The following INPP4B variants were observed in gnomAD, a reference collection of about 807,000 sequenced individuals.
The protein encoded by INPP4B is inositol polyphosphate-4-phosphatase type II B.
A neutral mutation model predicts 122.5 loss-of-function variants in INPP4B; 55 were observed. The observed-to-expected ratio is 0.45, with a 90% CI of 0.36 to 0.56. INPP4B has a LOEUF of 0.56. INPP4B is among the 20% of genes least tolerant of loss of function. The pLI is 0.00. For missense variants in INPP4B, 1,000 were observed against 1,097.7 expected, an observed-to-expected ratio of 0.91 and a Z score of 1.26; for synonymous variants, 403 against 388.7, an observed-to-expected ratio of 1.04 and a Z score of -0.43.
chr4:142,262,282 C>G (rs886913076), intron 10 of INPP4B, among the ~76,000 whole-genome samples: 3 of 152,118 alleles, frequency 2.0e-5, no homozygotes, highest in African/African-American at 7.2e-5. Context: ...GAATCTCAGC[C>G]CTCAACTCCA....
chr4:142,806,136 G>T (rs1405963397), intron 1 of INPP4B, among the ~76,000 whole-genome samples: 2 of 151,752 alleles, frequency 1.3e-5, no homozygotes, highest in African/African-American at 2.4e-5. Flanking sequence ...GAAATAAGCC[G>T]GGCATGGTGG....
intron 7 of INPP4B, among the ~76,000 whole-genome samples, chr4:142,342,602 T>C (rs933830740): frequency 1.3e-5 from 2 of 152,198 alleles, no homozygotes; most frequent in Admixed American, 6.5e-5. Context: ...GATTGCCTCT[T>C]GTTCCAGAAT....
intron 12 of INPP4B, among the ~76,000 whole-genome samples, chr4:142,219,700 A>T (rs928624486): frequency 5.9e-5 from 9 of 152,300 alleles, no homozygotes; most frequent in African/African-American, 1.9e-4. Context: ...AGAAATAGAG[A>T]ACATTTCTGG....
chr4:142,738,650 A>G (rs1234567086), intron 1 of INPP4B, among the ~76,000 whole-genome samples: 2 of 152,070 alleles, frequency 1.3e-5, no homozygotes, highest in East Asian at 3.9e-4. Flanking sequence ...TAAACATATT[A>G]GATTCCAAGG....
chr4:142,775,755 A>T (rs56011189), intron 1 of INPP4B, among the ~76,000 whole-genome samples: 35,365 of 152,072 alleles, frequency 0.23, 4,382 homozygotes, highest in South Asian at 0.35. Flanking sequence ...AGTTTTTTAT[A>T]TATTTTAGAT....
chr4:142,208,763 A>G (rs1843605658), intron 13 of INPP4B, 133 bp downstream of exon 13: 1 of 662,082 alleles, frequency 1.5e-6, no homozygotes, highest in African/African-American at 1.9e-5. Flanking sequence ...TAAGATGTTA[A>G]AGTTAGAAAT....
At chr4:142,380,630 TTAACA>T (rs1197833324) in intron 7 of INPP4B, among the ~76,000 whole-genome samples, 2 of 152,136 alleles carry the variant, frequency 1.3e-5, no homozygotes, top group African/African-American at 4.8e-5. Flanking sequence ...AGAAAGGCTA[TTAACA>T]TAAGTGTTTT....
intron 1 of INPP4B, among the ~76,000 whole-genome samples, chr4:142,758,810 G>A (rs181085134): frequency 1.2e-4 from 18 of 152,036 alleles, no homozygotes; most frequent in Non-Finnish European, 2.1e-4. Flanking sequence ...AACATTAGCC[G>A]GGTGTGGCAG....
intron 2 of INPP4B, among the ~76,000 whole-genome samples, chr4:142,463,037 A>C (rs774675379): frequency 9.2e-5 from 14 of 152,334 alleles, no homozygotes; most frequent in Middle Eastern, 3.4e-3. Context: ...TTTATTCCTC[A>C]TAACTACTCA....
At chr4:142,611,630 C>CTTT (rs1560863610) in intron 2 of INPP4B, among the ~76,000 whole-genome samples, 3 of 90,736 alleles carry the variant, frequency 3.3e-5, no homozygotes, top group African/African-American at 1.2e-4. Flanking sequence ...TCTGTTTTTT[C>CTTT]TTTTTTCTTT....
chr4:142,063,960 A>G (rs1164778789), intron 25 of INPP4B, among the ~76,000 whole-genome samples: 4 of 152,198 alleles, frequency 2.6e-5, no homozygotes, highest in Admixed American at 6.5e-5. Flanking sequence ...TAATTTATAA[A>G]CTAACTTTAA....
intron 11 of INPP4B, among the ~76,000 whole-genome samples, chr4:142,252,974 C>T (rs183851649): frequency 3.3e-5 from 5 of 152,348 alleles, no homozygotes; most frequent in Non-Finnish European, 5.9e-5. Flanking sequence ...GTAGAGCCTA[C>T]TACACACCTA....
At chr4:142,033,665 TTCA>T (rs1741860145) in intron 25 of INPP4B, among the ~76,000 whole-genome samples, 1 of 109,480 alleles carries the variant, frequency 9.1e-6, no homozygotes, top group African/African-American at 3.7e-5. Context: ...AGTTCTCCAT[TTCA>T]TTTTTTTTTT....
intron 1 of INPP4B, among the ~76,000 whole-genome samples, chr4:142,823,230 T>C (rs978226584): frequency 1.3e-5 from 2 of 152,258 alleles, no homozygotes; most frequent in East Asian, 3.9e-4. Context: ...ACTAAAATAT[T>C]TTCCCCAAGA....
At chr4:142,663,960 A>T (rs1755623945) in intron 2 of INPP4B, among the ~76,000 whole-genome samples, 1 of 152,232 alleles carries the variant, frequency 6.6e-6, no homozygotes, top group Non-Finnish European at 1.5e-5. Flanking sequence ...AGATATTCCA[A>T]AAAGATGACT....
At chr4:142,634,247 T>C (rs966650030) in intron 2 of INPP4B, among the ~76,000 whole-genome samples, 1 of 152,196 alleles carries the variant, frequency 6.6e-6, no homozygotes, top group Non-Finnish European at 1.5e-5. Flanking sequence ...CTGATAATTC[T>C]ATAAAACACT....
chr4:142,248,803 AT>A lies in INPP4B; in HGVS notation c.689-10793del, dbSNP rs563236384. On this transcript the variant is annotated intron_variant, in intron 11 of 25. Coordinates refer to ENST00000262992, the MANE Select transcript of INPP4B (RefSeq NM_001101669.3). ...TGGAAATTTTTATTCCTTATAATGAATTTTTTTTCTACCAATAAATTGTTCA... is the reference window on the plus strand; with the variant it reads ...TGGAAATTTTTATTCCTTATAATGAATTTTTTTCTACCAATAAATTGTTCA... Among the ~76,000 whole-genome samples, 862 of 151,866 alleles carry A rather than the reference AT, an allele frequency of 5.7e-3. 9 individuals carry two copies. The highest frequency in any genetic ancestry group is 0.02 in the African/African-American group (825 of 41,416).
At chr4:142,290,966 T>C (rs1397682917) in intron 9 of INPP4B, among the ~76,000 whole-genome samples, 1 of 152,128 alleles carries the variant, frequency 6.6e-6, no homozygotes, top group African/African-American at 2.4e-5. Flanking sequence ...TTTTTGAACA[T>C]ATTATTATTA....
chr4:142,337,755 T>TTATATATATTATATATA (rs1777305844), intron 7 of INPP4B, among the ~76,000 whole-genome samples: 4 of 72,882 alleles, frequency 5.5e-5, no homozygotes, highest in Non-Finnish European at 1.2e-4. Flanking sequence ...TTATATATTT[T>TTATATATATTATATATA]ATATATATTT....
Sources: allele counts gnomAD v4.1 joint callset (sites outside exome capture counted in the v4.1 genomes callset), GRCh38; gene constraint gnomAD v4.1.1; transcripts MANE v1.5; gene names NCBI Gene and HGNC (gene_info 2026-07-23, HGNC 2026-07-21).